The following PAN3 variants were observed in gnomAD, a reference collection of about 807,000 sequenced individuals.
The protein encoded by PAN3 is PAN2-PAN3 deadenylation complex subunit PAN3.
In PAN3, 19 loss-of-function variants were observed where a neutral mutation model predicts 96.2. The observed-to-expected ratio is 0.20, with a 90% confidence interval of 0.14 to 0.29. The LOEUF (loss-of-function observed/expected upper bound fraction) is 0.29, where lower values mean the gene tolerates loss of function less well. PAN3 is among the 10% of genes least tolerant of loss of function. The pLI, the probability that PAN3 is intolerant of heterozygous loss-of-function variation, is 1.00. For synonymous variants in PAN3, 433 were observed against 406.6 expected (o/e 1.06, Z -0.78); for missense variants, 882 against 1,108.1 (o/e 0.80, Z 2.90).
rs577077395 is a variant in PAN3 at position 28,166,571 on chromosome 13, T to G, written c.431-7701T>G. The stretch of plus-strand genomic sequence containing the variant: ...ACAGTTCTGAGGTCTCTGGGGGCAG[T>G]CTTGCCTTCACAACTTCACTAGACA... On this transcript the variant is annotated intron_variant, in intron 1 of 18. Coordinates refer to ENST00000380958, the MANE Select transcript of PAN3 (RefSeq NM_175854.8). 4.3e-4 allele frequency among the ~76,000 whole-genome samples: 65 copies of G among 152,310 alleles called. No homozygotes were observed. In the South Asian group the frequency reaches 7.9e-3, roughly 18 times the overall value.
intron 6 of PAN3, among the ~76,000 whole-genome samples, chr13:28,220,711 C>T (rs749737816): frequency 6.6e-6 from 1 of 152,076 alleles, no homozygotes; most frequent in Admixed American, 6.6e-5. Flanking sequence ...ACAAAGGCAT[C>T]AGAAAGAACG....
intron 17 of PAN3, among the ~76,000 whole-genome samples, chr13:28,285,922 T>C (rs1485052413): frequency 6.6e-6 from 1 of 152,196 alleles, no homozygotes; most frequent in Non-Finnish European, 1.5e-5. Context: ...TTAAGTTTTG[T>C]TCCATTCCCT....
chr13:28,293,995 T>G lies in PAN3; in HGVS notation c.*1473T>G, dbSNP rs1870069551. On this transcript the variant is annotated 3_prime_UTR_variant, in exon 19 of 19. Coordinates refer to ENST00000380958, the MANE Select transcript of PAN3 (RefSeq NM_175854.8). ...TTCAATTTTAATAATTACACATATT[T>G]GTATATTTCAGAGAAGTTTTTAATA... 6.6e-6 allele frequency: 1 copy of G among 152,654 alleles called. No homozygotes were observed. Among genetic ancestry groups the G allele is most frequent in the Non-Finnish European group, 1.5e-5 (1 of 68,048 alleles). 9.5% of individuals were successfully genotyped at this position (152,654 alleles called of 1,614,324 possible). A position where few individuals can be genotyped will look rare whatever the true frequency, so the allele number is the denominator to read the frequency against.
intron 1 of PAN3, among the ~76,000 whole-genome samples, chr13:28,156,091 G>A (rs1319904263): frequency 6.6e-6 from 1 of 152,098 alleles, no homozygotes; most frequent in Non-Finnish European, 1.5e-5. Flanking sequence ...AAGTTGAGGT[G>A]CAAGAAACCA....
chr13:28,138,903 T>C lies in PAN3; in HGVS notation c.246T>C (p.His82=). ...GGGCTGCCCCGGGCCTCGGCCTCCA[T>C]AGCAACAGCGTCCCCCTGGCTCTGG... ...AAGAAPGLGL[H]SNSVPLALAG... The change falls in exon 1 of 19, where the codon CAT becomes CAC. Residue 82 remains histidine, a synonymous_variant. Coordinates refer to ENST00000380958, the MANE Select transcript of PAN3 (RefSeq NM_175854.8). The C allele has an allele frequency of 1.4e-6, 2 of 1,388,972 alleles. No homozygotes were observed. Among genetic ancestry groups the C allele is most frequent in the Non-Finnish European group, 1.9e-6 (2 of 1,075,614 alleles). The allele number at this position is 1,388,972 out of a possible 1,614,324, so 86.0% of individuals were successfully genotyped here. A position where few individuals can be genotyped will look rare whatever the true frequency, so the allele number is the denominator to read the frequency against.
chr13:28,234,148 A>G (rs868454807), intron 6 of PAN3, among the ~76,000 whole-genome samples: 1 of 152,180 alleles, frequency 6.6e-6, no homozygotes, highest in African/African-American at 2.4e-5. Context: ...TGGTACAGTC[A>G]GGGAGAACAG....
intron 5 of PAN3, among the ~76,000 whole-genome samples, chr13:28,209,735 C>T (rs950566659): frequency 6.6e-6 from 1 of 151,942 alleles, no homozygotes; most frequent in African/African-American, 2.4e-5. Context: ...CTCCCGTCTC[C>T]TCCCGTTTTT....
chr13:28,196,493 C>T (rs1304473125), intron 4 of PAN3, among the ~76,000 whole-genome samples: 2 of 151,092 alleles, frequency 1.3e-5, no homozygotes, highest in East Asian at 3.9e-4. Context: ...ATAATTTATT[C>T]ATTATCAATC....
intron 1 of PAN3, among the ~76,000 whole-genome samples, chr13:28,144,308 C>T (rs529131218): frequency 4.6e-4 from 69 of 151,020 alleles, no homozygotes; most frequent in African/African-American, 1.7e-3. Flanking sequence ...GCTCCGCCTC[C>T]TGGGTTCACG....
rs35652829 is a variant in PAN3 at position 28,165,283 on chromosome 13, CT to C, written c.431-8972del. Reference sequence around the variant, plus strand: ...GTCTCTTGATTTATACTTATATATCCTTTTTTTTTTTTTTTTTGTAGAGATG... The same window carrying C: ...GTCTCTTGATTTATACTTATATATCCTTTTTTTTTTTTTTTTGTAGAGATG... On this transcript the variant is annotated intron_variant, in intron 1 of 18. Coordinates refer to ENST00000380958, the MANE Select transcript of PAN3 (RefSeq NM_175854.8). Among the ~76,000 whole-genome samples, 244 of 129,400 alleles carry C rather than the reference CT, an allele frequency of 1.9e-3. 1 individual carries two copies. Among genetic ancestry groups the C allele is most frequent in the Middle Eastern group, 8.5e-3 (2 of 236 alleles). The allele number at this position is 129,400 out of a possible 152,430, so 84.9% of individuals were successfully genotyped here.
intron 7 of PAN3, among the ~76,000 whole-genome samples, chr13:28,259,161 C>T (rs1484530458): frequency 2.6e-5 from 4 of 151,552 alleles, no homozygotes; most frequent in Admixed American, 6.6e-5. Context: ...AGAGTCTTCC[C>T]CTGTCCCCCA....
At chr13:28,159,980 C>T (rs958504194) in intron 1 of PAN3, among the ~76,000 whole-genome samples, 9 of 151,586 alleles carry the variant, frequency 5.9e-5, no homozygotes, top group Non-Finnish European at 1.3e-4. Context: ...GCTCTATCAC[C>T]CAGCTAGAGT....
rs1276438752 is a variant in PAN3 at position 28,267,387 on chromosome 13, C to G, written c.1778C>G (p.Thr593Ser). ...GACCCTAATGCTGATGCCTACTTCA[C>G]CAAGAGAAAGTGGGGTAAGAAAAAG... is the stretch of plus-strand genomic sequence containing the variant. ...FNDPNADAYF[T>S]KRKWGQHEGP... The change falls in exon 12 of 19, where the codon ACC becomes AGC. Residue 593 changes from threonine (T) to serine (S), a missense_variant. Physicochemically the swap from Thr to Ser is moderately conservative, Grantham distance 58. Transcript: ENST00000380958. The G allele has an allele frequency of 3.1e-6, 5 of 1,612,840 alleles. No individual in the cohort carries two copies. The highest frequency in any genetic ancestry group is 1.3e-5 in the African/African-American group (1 of 74,828).
At chr13:28,187,639 G>C (rs998822377) in intron 4 of PAN3, among the ~76,000 whole-genome samples, 29 of 152,156 alleles carry the variant, frequency 1.9e-4, no homozygotes, top group African/African-American at 7.0e-4. Flanking sequence ...CTGACTCATA[G>C]CAGAAGCTAC....
At chr13:28,201,592 G>A (rs1429879628) in intron 5 of PAN3, among the ~76,000 whole-genome samples, 4 of 151,708 alleles carry the variant, frequency 2.6e-5, no homozygotes, top group African/African-American at 7.3e-5. Context: ...GGGAGTGGGG[G>A]TCTCACTCTG....
chr13:28,199,436 T>C (rs1260544091), intron 5 of PAN3, among the ~76,000 whole-genome samples: 1 of 152,174 alleles, frequency 6.6e-6, no homozygotes, highest in Non-Finnish European at 1.5e-5. Context: ...ATTGGTGTTA[T>C]CTGAATCTAA....
intron 5 of PAN3, among the ~76,000 whole-genome samples, chr13:28,206,109 T>G (rs1214311257): frequency 6.6e-6 from 1 of 152,106 alleles, no homozygotes; most frequent in Non-Finnish European, 1.5e-5. Flanking sequence ...TCTGATACTT[T>G]ATGAACCCCA....
At chr13:28,289,807 G>A (rs1193577913) in intron 18 of PAN3, among the ~76,000 whole-genome samples, 7 of 152,156 alleles carry the variant, frequency 4.6e-5, no homozygotes, top group African/African-American at 7.2e-5. Flanking sequence ...GCGTGAACCC[G>A]GGAGGCGGAG....
chr13:28,187,495 A>G (rs911508713), intron 4 of PAN3, among the ~76,000 whole-genome samples: 2 of 152,220 alleles, frequency 1.3e-5, no homozygotes, highest in African/African-American at 4.8e-5. Flanking sequence ...TTGCATAGCA[A>G]GGTCTTCCAA....
Sources: allele counts gnomAD v4.1 joint callset (sites outside exome capture counted in the v4.1 genomes callset), GRCh38; gene constraint gnomAD v4.1.1; transcripts MANE v1.5; gene names NCBI Gene and HGNC (gene_info 2026-07-23, HGNC 2026-07-21).